The following COPB2 variants were observed in gnomAD, a reference collection of about 807,000 sequenced individuals.
COPB2 encodes the protein coat protein complex I subunit beta 2.
A neutral mutation model predicts 120.8 loss-of-function variants in COPB2; 16 were observed. The ratio of observed to expected loss-of-function variants is 0.13; its 90% CI spans 0.09 to 0.20. The LOEUF (loss-of-function observed/expected upper bound fraction) is 0.20. Among genes scored for constraint, COPB2 ranks in the 10% least tolerant of loss-of-function variants. The pLI, the probability that COPB2 is intolerant of heterozygous loss-of-function variation, is 1.00. For synonymous variants in COPB2, 332 were observed against 366.3 expected (o/e 0.91, Z 1.07); for missense variants, 794 against 1,076.5 (o/e 0.74, Z 3.67).
chr3:139,381,166 A>C (rs951807637), intron 2 of COPB2: 2 of 152,242 alleles, frequency 1.3e-5, no homozygotes, highest in African/African-American at 2.4e-5. Flanking sequence ...ACTTCAGATA[A>C]ATAAAGAGGC....
rs182126296 is a variant in COPB2 at position 139,365,473 on chromosome 3, A to C, written c.1884+1095T>G. On this transcript the variant is annotated intron_variant, in intron 15 of 21. Transcript: ENST00000333188. ...GATATTCAAAGTCACAAAACAATTT[A>C]TCTCTCATTAACAATCCTTTTCTCA... Among the ~76,000 whole-genome samples the C allele has an allele frequency of 2.0e-3, 307 of 152,372 alleles. 1 individual carries two copies. The highest frequency in any genetic ancestry group is 7.1e-3 in the African/African-American group (294 of 41,592).
intron 6 of COPB2, 38 bp downstream of exon 6, chr3:139,375,430 T>C (rs928607889): frequency 1.9e-6 from 3 of 1,592,058 alleles, no homozygotes; most frequent in Middle Eastern, 3.3e-4. Flanking sequence ...GTAAGAAACA[T>C]ATCTAACATA....
intron 2 of COPB2, chr3:139,380,315 T>C (rs1941788717): frequency 6.6e-6 from 1 of 152,218 alleles, no homozygotes; most frequent in Non-Finnish European, 1.5e-5. Context: ...CTAGTCAGTC[T>C]TTTTGAAATT....
rs766598168 is a variant in COPB2 at position 139,359,251 on chromosome 3, T to C, written c.2303+19A>G. On this transcript the variant is annotated intron_variant, in intron 18 of 21. Transcript: ENST00000333188. ...TCTTTTTATTGGAAACATTTCTTCC[T>C]AAAATTAAAAGTCTGTACCTTGAAA... 8 of 1,612,856 alleles carry C rather than the reference T, an allele frequency of 5.0e-6. No individual in the cohort carries two copies. The highest frequency in any genetic ancestry group is 5.9e-6 in the Non-Finnish European group (7 of 1,179,486).
Position 139,359,069 on chromosome 3 carries a change from A to T in COPB2, c.2413T>A (p.Phe805Ile). 6.2e-7 allele frequency: 1 copy of T among 1,614,058 alleles called. No individual in the cohort carries two copies. The highest frequency in any genetic ancestry group is 2.2e-5 in the East Asian group (1 of 44,870). The change falls in exon 19 of 22, where the codon TTT becomes ATT. Residue 805 changes from phenylalanine to isoleucine, a missense_variant. Phe to Ile is a conservative substitution (Grantham distance 21). This residue lies in a region of COPB2 where 178 missense variants were observed against 183.2 expected (regional missense o/e 0.97). Transcript: ENST00000333188. ...TCCTTCACCCATTCTTCAACAACAA[A>T]GGCTTCTTTTAATCCAGGGAACAGG... ...ENLFPGLKEA[F>I]VVEEWVKETH...
At chr3:139,359,393 C>T (rs774654311) in intron 17 of COPB2, 31 bp from the exon 18 acceptor site, 1 of 1,586,366 alleles carries the variant, frequency 6.3e-7, no homozygotes, top group South Asian at 1.1e-5. Context: ...GTACTGTTAC[C>T]AAGAATAAAC....
intron 2 of COPB2, chr3:139,380,003 C>CTTTTTTTTTTTTTTTTTTTTTTTTT (rs869062825): frequency 9.9e-6 from 1 of 101,372 alleles, no homozygotes; most frequent in African/African-American, 4.1e-5. Flanking sequence ...TTTTTCTTTT[C>CTTTTTTTTTTTTTTTTTTTTTTTTT]TTTTTTTTTT....
At chr3:139,384,330 A>T (rs560761997) in intron 1 of COPB2, among the ~76,000 whole-genome samples, 1 of 152,224 alleles carries the variant, frequency 6.6e-6, no homozygotes, top group Non-Finnish European at 1.5e-5. Context: ...GTATTAAAAA[A>T]ATTACACATT....
chr3:139,379,596 A>C, intron 2 of COPB2, 130 bp from the exon 3 acceptor site: 1 of 677,546 alleles, frequency 1.5e-6, no homozygotes. Context: ...CTAAAATATA[A>C]AAGCTCAACA....
intron 15 of COPB2, among the ~76,000 whole-genome samples, chr3:139,364,151 A>G (rs1483805095): frequency 6.6e-6 from 1 of 152,198 alleles, no homozygotes; most frequent in Non-Finnish European, 1.5e-5. Flanking sequence ...ACATTTTGTT[A>G]AAACAGTAGA....
At chr3:139,388,479 G>T (rs1941975639) in intron 1 of COPB2, 1 of 112,950 alleles carries the variant, frequency 8.9e-6, no homozygotes. Context: ...TTTTCCCTGG[G>T]AGTATTCCTA....
intron 15 of COPB2, among the ~76,000 whole-genome samples, chr3:139,365,400 C>T (rs1941496149): frequency 1.3e-5 from 2 of 152,304 alleles, no homozygotes; most frequent in Non-Finnish European, 2.9e-5. Context: ...CAATTATATA[C>T]CAGTTAAATG....
At position 139,389,643 on chromosome 3, in the gene COPB2, T is replaced by C. The variant is rs900036561; in HGVS notation, c.-93A>G. 4 of 1,333,524 alleles carry C rather than the reference T, an allele frequency of 3.0e-6. No homozygotes were observed. Among genetic ancestry groups the C allele is most frequent in the South Asian group, 1.4e-5 (1 of 70,954 alleles). The allele number at this position is 1,333,524 out of a possible 1,614,324, so 82.6% of individuals were successfully genotyped here. The stretch of plus-strand genomic sequence containing the variant: ...CCGATCCACTGACCGTCAGACTGAC[T>C]GACGTGGAACTTCCGGGAGCCGATT... On this transcript the variant is annotated 5_prime_UTR_variant, in exon 1 of 22. Coordinates refer to ENST00000333188, the MANE Select transcript of COPB2 (RefSeq NM_004766.3).
At chr3:139,363,070 T>G (rs1475328855) in intron 15 of COPB2, among the ~76,000 whole-genome samples, 3 of 152,204 alleles carry the variant, frequency 2.0e-5, no homozygotes, top group Admixed American at 6.5e-5. Flanking sequence ...TAGCAAACAT[T>G]GTGTATTCAG....
intron 16 of COPB2, 36 bp downstream of exon 16, chr3:139,362,371 T>C: frequency 6.8e-7 from 1 of 1,466,562 alleles, no homozygotes; most frequent in South Asian, 1.2e-5. Flanking sequence ...TACTGACTTT[T>C]CCATCAGTTA....
At chr3:139,371,091 C>T (rs976993592) in intron 10 of COPB2, among the ~76,000 whole-genome samples, 2 of 152,048 alleles carry the variant, frequency 1.3e-5, no homozygotes, top group Admixed American at 1.3e-4. Context: ...AACACTAAAC[C>T]CCTAATGTTT....
intron 10 of COPB2, 125 bp from the exon 11 acceptor site, chr3:139,369,669 A>T: frequency 1.5e-6 from 1 of 654,414 alleles, no homozygotes. Flanking sequence ...ATATTTGAAG[A>T]TTATCTGATG....
At chr3:139,379,297 C>T (rs1368445689) in intron 3 of COPB2, 83 bp downstream of exon 3, 5 of 1,562,228 alleles carry the variant, frequency 3.2e-6, no homozygotes, top group East Asian at 4.5e-5. Flanking sequence ...CAAAACAAAT[C>T]GGGAATCAAA....
At chr3:139,375,260 T>C (rs1393648442) in intron 6 of COPB2, among the ~76,000 whole-genome samples, 3 of 152,222 alleles carry the variant, frequency 2.0e-5, no homozygotes, top group Admixed American at 6.5e-5. Context: ...AAATGAAATA[T>C]GAACATGTTG....
Sources: allele counts gnomAD v4.1 joint callset (sites outside exome capture counted in the v4.1 genomes callset), GRCh38; gene constraint gnomAD v4.1.1; regional missense constraint gnomAD v4.1.1; transcripts MANE v1.5; gene names NCBI Gene and HGNC (gene_info 2026-07-23, HGNC 2026-07-21).